The following ARID2 variants were observed in gnomAD, a reference collection of about 807,000 sequenced individuals.
ARID2 encodes AT-rich interaction domain 2.
In ARID2, 32 loss-of-function variants were observed where a neutral mutation model predicts 184.6. That is an observed-to-expected ratio of 0.17 (90% CI 0.13 to 0.23). The LOEUF (loss-of-function observed/expected upper bound fraction) is 0.23, where lower values mean the gene tolerates loss of function less well. Among genes scored for constraint, ARID2 ranks in the 10% least tolerant of loss-of-function variants. ARID2 has a pLI of 1.00. For synonymous variants in ARID2, 836 were observed against 772.6 expected (o/e 1.08, Z -1.36); for missense variants, 1,696 against 2,197.6 (o/e 0.77, Z 4.56).
chr12:45,884,882 AC>A (rs1259388743), intron 16 of ARID2, among the ~76,000 whole-genome samples: 3 of 152,032 alleles, frequency 2.0e-5, no homozygotes, highest in African/African-American at 4.8e-5. Flanking sequence ...AGTTGTTCCC[AC>A]CTATGACTTT....
chr12:45,794,361 T>G (rs921034233), intron 3 of ARID2, among the ~76,000 whole-genome samples: 2 of 152,220 alleles, frequency 1.3e-5, no homozygotes, highest in Admixed American at 6.5e-5. Context: ...TTTTCAAAAA[T>G]TATTGGAAAA....
In ARID2 at chr12:45,731,264, T is replaced by C. The variant is rs151207271; in HGVS notation, c.234T>C (p.Phe78=). The change falls in exon 3 of 21, where the codon TTT becomes TTC. Residue 78 remains phenylalanine (F), a synonymous_variant. Coordinates refer to ENST00000334344, the MANE Select transcript of ARID2 (RefSeq NM_152641.4). ...GAGAAATTGTTGAAGAGTTCAACTT[T>C]CCCAGAAGTTGTTCTAACGCTGCCT... is the stretch of plus-strand genomic sequence containing the variant. ...QWGEIVEEFN[F]PRSCSNAAFA... The C allele has an allele frequency of 2.5e-6, 4 of 1,613,990 alleles. No individual in the cohort carries two copies. Among genetic ancestry groups the C allele is most frequent in the African/African-American group, 2.7e-5 (2 of 74,932 alleles).
At chr12:45,849,032 T>C in intron 13 of ARID2, 62 bp downstream of exon 13, 1 of 1,519,232 alleles carries the variant, frequency 6.6e-7, no homozygotes, top group Non-Finnish European at 8.9e-7. Flanking sequence ...TCTTGCTCTT[T>C]AAAGAAAATA....
intron 3 of ARID2, among the ~76,000 whole-genome samples, chr12:45,736,365 A>G (rs1941122652): frequency 6.6e-6 from 1 of 152,150 alleles, no homozygotes; most frequent in African/African-American, 2.4e-5. Flanking sequence ...TGAAAAAAAA[A>G]AAAAAAGTAT....
At position 45,758,992 on chromosome 12, in the gene ARID2, A is replaced by C. The variant is rs79757527; in HGVS notation, c.284+27678A>C. Among the ~76,000 whole-genome samples the C allele has an allele frequency of 1.1e-3, 167 of 152,226 alleles. 3 individuals carry two copies. The South Asian group carries it at 0.017, about 15-fold the overall frequency. On this transcript the variant is annotated intron_variant, in intron 3 of 20. Transcript: ENST00000334344. ...ATGTCCTGCTGAAACTTCTGTTGTG[A>C]TAAAAGACACGCACACACACACATA...
chr12:45,846,345 T>A (rs1033186622), intron 11 of ARID2, among the ~76,000 whole-genome samples: 2 of 152,302 alleles, frequency 1.3e-5, no homozygotes, highest in East Asian at 3.9e-4. Flanking sequence ...TATATGCCAC[T>A]TACAGAGTTA....
chr12:45,839,000 G>A (rs1943278531), intron 10 of ARID2, among the ~76,000 whole-genome samples: 1 of 151,446 alleles, frequency 6.6e-6, no homozygotes, highest in African/African-American at 2.4e-5. Flanking sequence ...CGAGTAGCTG[G>A]GACTACAGGC....
chr12:45,773,506 C>T (rs12813140), intron 3 of ARID2, among the ~76,000 whole-genome samples: 2 of 151,724 alleles, frequency 1.3e-5, no homozygotes, highest in Non-Finnish European at 2.9e-5. Context: ...GCTAGATTGT[C>T]TAAGAAAAAA....
At chr12:45,843,586 C>T (rs1943391160) in intron 11 of ARID2, among the ~76,000 whole-genome samples, 1 of 151,914 alleles carries the variant, frequency 6.6e-6, no homozygotes, top group African/African-American at 2.4e-5. Context: ...CCAGGCTGGT[C>T]ACAGAATTTT....
At chr12:45,767,702 A>G in intron 3 of ARID2, among the ~76,000 whole-genome samples, 1 of 152,230 alleles carries the variant, frequency 6.6e-6, no homozygotes, top group East Asian at 1.9e-4. Flanking sequence ...TCTGGGGAGA[A>G]CGATGGTGTG....
intron 3 of ARID2, among the ~76,000 whole-genome samples, chr12:45,737,584 GA>G (rs1406320606): frequency 6.6e-6 from 1 of 150,902 alleles, no homozygotes; most frequent in Non-Finnish European, 1.5e-5. Context: ...ATCATATCAT[GA>G]GGCATATAAT....
At chr12:45,777,292 A>C (rs74081401) in intron 3 of ARID2, among the ~76,000 whole-genome samples, 13,016 of 152,118 alleles carry the variant, frequency 0.086, 1,905 homozygotes, top group African/African-American at 0.29. Context: ...GGTAGAAAAG[A>C]ATTCCAGATT....
At chr12:45,903,970 T>A (rs561685454) in intron 20 of ARID2, among the ~76,000 whole-genome samples, 2 of 152,336 alleles carry the variant, frequency 1.3e-5, no homozygotes, top group Admixed American at 1.3e-4. Flanking sequence ...GTATACTTGC[T>A]TTATCACATA....
chr12:45,838,182 T>A (rs1943255922), intron 10 of ARID2, among the ~76,000 whole-genome samples: 1 of 152,240 alleles, frequency 6.6e-6, no homozygotes, highest in South Asian at 2.1e-4. Context: ...AAGTGAAATA[T>A]GTTTCCTTCT....
chr12:45,807,392 T>G (rs1354930918), intron 3 of ARID2, among the ~76,000 whole-genome samples: 1 of 152,158 alleles, frequency 6.6e-6, no homozygotes, highest in African/African-American at 2.4e-5. Context: ...GTGGTTATTG[T>G]TTCAGTTTAT....
At chr12:45,867,972 A>G (rs1360597114) in intron 16 of ARID2, among the ~76,000 whole-genome samples, 1 of 152,048 alleles carries the variant, frequency 6.6e-6, no homozygotes, top group South Asian at 2.1e-4. Flanking sequence ...TGCCCTAAAA[A>G]TCTTTTGTAT....
Position 45,850,810 on chromosome 12 carries a change from T to C in ARID2, c.2687T>C (p.Ile896Thr), listed in dbSNP as rs2138165310. ...PQASRVGFQN[I>T]APKPLPSQQV... Reference sequence around the variant, plus strand: ...GCCTCAAGGGTAGGGTTTCAGAACATTGCACCAAAACCTCTCCCTTCTCAG... The same window carrying C: ...GCCTCAAGGGTAGGGTTTCAGAACACTGCACCAAAACCTCTCCCTTCTCAG... Residue 896 changes from isoleucine to threonine, a missense_variant, in exon 15 of 21, where the codon ATT becomes ACT. Transcript: ENST00000334344. 1.2e-6 allele frequency: 2 copies of C among 1,614,072 alleles called. No individual in the cohort carries two copies. Among genetic ancestry groups the C allele is most frequent in the Non-Finnish European group, 8.5e-7 (1 of 1,179,990 alleles).
At chr12:45,787,871 TCTC>T (rs1418569419) in intron 3 of ARID2, among the ~76,000 whole-genome samples, 1 of 152,188 alleles carries the variant, frequency 6.6e-6, no homozygotes, top group African/African-American at 2.4e-5. Context: ...TCAAAGGTCT[TCTC>T]TTGTTTTCCT....
In ARID2 at chr12:45,730,039, C is replaced by T. The variant is rs761339982; in HGVS notation, c.93-5C>T. 9.3e-6 allele frequency: 15 copies of T among 1,612,998 alleles called. No homozygotes were observed. Among genetic ancestry groups the T allele is most frequent in the Middle Eastern group, 1.7e-4 (1 of 5,892 alleles). On this transcript the variant is annotated splice_polypyrimidine_tract_variant and splice_region_variant and intron_variant, in intron 1 of 20. Coordinates refer to ENST00000334344, the MANE Select transcript of ARID2 (RefSeq NM_152641.4). ...GACAAGTGCGGGGCTTTTTCTCTCC[C>T]GCAGGTCGCCTTTTAAAAAAATCCC...
Sources: allele counts gnomAD v4.1 joint callset (sites outside exome capture counted in the v4.1 genomes callset), GRCh38; gene constraint gnomAD v4.1.1; transcripts MANE v1.5; gene names NCBI Gene and HGNC (gene_info 2026-07-23, HGNC 2026-07-21).